Variants in PTPRD observed in about 807,000 individuals in gnomAD.
The protein encoded by PTPRD is protein tyrosine phosphatase receptor type D.
Under a neutral mutation model 214.5 loss-of-function variants are expected in PTPRD, and 34 were observed. The ratio of observed to expected loss-of-function variants is 0.16; its 90% CI spans 0.12 to 0.21. The LOEUF (loss-of-function observed/expected upper bound fraction) is 0.21, where lower values mean the gene tolerates loss of function less well. Among genes scored for constraint, PTPRD ranks in the 10% least tolerant of loss-of-function variants. PTPRD has a pLI of 1.00. For synonymous variants in PTPRD, 1,128 were observed against 845.7 expected (o/e 1.33, Z -5.79); for missense variants, 2,545 against 2,398.7 (o/e 1.06, Z -1.27).
At chr9:9,457,481 C>A (rs2145688003) in intron 8 of PTPRD, among the ~76,000 whole-genome samples, 1 of 151,982 alleles carries the variant, frequency 6.6e-6, no homozygotes, top group Admixed American at 6.6e-5. Flanking sequence ...GGTTAAAGAA[C>A]ATAAAATTAA....
chr9:9,723,520 T>C (rs2098009509), intron 7 of PTPRD, among the ~76,000 whole-genome samples: 1 of 152,088 alleles, frequency 6.6e-6, no homozygotes, highest in South Asian at 2.1e-4. Flanking sequence ...TCCTTGACAA[T>C]GCCATGTGAA....
In PTPRD at chr9:8,831,062, T is replaced by A. The variant is rs148632300; in HGVS notation, c.-103-97116A>T. ...TAGGCACTTAGAAAATCTGTGGACT[T>A]AGAAGGGACATTTGGCATCACTGAA... On this transcript the variant is annotated intron_variant, in intron 11 of 45. Transcript: ENST00000381196. Among the ~76,000 whole-genome samples the A allele has an allele frequency of 2.0e-5, 3 of 152,242 alleles. No homozygotes were observed. The East Asian group carries it at 5.8e-4, about 29-fold the overall frequency.
intron 5 of PTPRD, among the ~76,000 whole-genome samples, chr9:9,920,073 A>C (rs2153866394): frequency 6.6e-6 from 1 of 152,240 alleles, no homozygotes; most frequent in East Asian, 1.9e-4. Flanking sequence ...AGCAATTTTC[A>C]AATTTCTTAG....
chr9:8,344,154 T>A (rs904797684), intron 39 of PTPRD, among the ~76,000 whole-genome samples: 2 of 152,102 alleles, frequency 1.3e-5, no homozygotes, highest in Non-Finnish European at 2.9e-5. Flanking sequence ...ACATCTTTCG[T>A]TCTTTCTGTG....
intron 9 of PTPRD, among the ~76,000 whole-genome samples, chr9:9,293,843 T>G (rs1474618703): frequency 6.6e-6 from 1 of 151,686 alleles, no homozygotes; most frequent in East Asian, 2.0e-4. Flanking sequence ...AAATTAACAC[T>G]AATTTCCTTT....
chr9:9,615,194 G>C (rs565451267), intron 7 of PTPRD, among the ~76,000 whole-genome samples: 101 of 152,268 alleles, frequency 6.6e-4, no homozygotes, highest in Non-Finnish European at 1.2e-3. Context: ...TAGCTGGCCT[G>C]CACTCAACCA....
chr9:9,508,341 G>A (rs972289817), intron 8 of PTPRD, among the ~76,000 whole-genome samples: 32 of 151,304 alleles, frequency 2.1e-4, no homozygotes, highest in African/African-American at 7.3e-4. Flanking sequence ...TTCTTTCAAC[G>A]CGTTGTTTCT....
chr9:8,813,087 G>A (rs1372919893), intron 11 of PTPRD, among the ~76,000 whole-genome samples: 3 of 152,172 alleles, frequency 2.0e-5, no homozygotes, highest in South Asian at 2.1e-4. Context: ...CTGGCAGGGC[G>A]CTATCGGTGG....
At chr9:10,188,422 T>C (rs1311507521) in intron 3 of PTPRD, among the ~76,000 whole-genome samples, 5 of 152,170 alleles carry the variant, frequency 3.3e-5, no homozygotes, top group African/African-American at 1.2e-4. Flanking sequence ...ACTTGAATCC[T>C]TTATAGTTGT....
At chr9:10,574,209 G>GTT (rs1180844072) in intron 2 of PTPRD, among the ~76,000 whole-genome samples, 1 of 151,752 alleles carries the variant, frequency 6.6e-6, no homozygotes, top group Non-Finnish European at 1.5e-5. Context: ...GTGTGTGTGT[G>GTT]TGTGCGTGCA....
At chr9:9,697,578 T>A (rs971748154) in intron 7 of PTPRD, among the ~76,000 whole-genome samples, 1 of 152,104 alleles carries the variant, frequency 6.6e-6, no homozygotes, top group African/African-American at 2.4e-5. Flanking sequence ...TCTCATATGT[T>A]TTTTGCTTCT....
At chr9:9,781,219 G>T (rs1362623073) in intron 5 of PTPRD, among the ~76,000 whole-genome samples, 1 of 152,016 alleles carries the variant, frequency 6.6e-6, no homozygotes, top group Non-Finnish European at 1.5e-5. Flanking sequence ...GTTCATCAGG[G>T]GTAACAAATA....
intron 2 of PTPRD, among the ~76,000 whole-genome samples, chr9:10,541,744 T>C (rs1199953839): frequency 6.6e-6 from 1 of 152,020 alleles, no homozygotes; most frequent in South Asian, 2.1e-4. Flanking sequence ...TCTATGGAAA[T>C]TTAACTTCTA....
intron 5 of PTPRD, among the ~76,000 whole-genome samples, chr9:9,931,255 A>C (rs543515650): frequency 2.0e-4 from 30 of 152,320 alleles, no homozygotes; most frequent in Admixed American, 5.9e-4. Context: ...GCTCCGGTCT[A>C]CAGCTCCCAG....
chr9:8,845,303 G>T (rs1238347414), intron 11 of PTPRD, among the ~76,000 whole-genome samples: 3 of 152,128 alleles, frequency 2.0e-5, no homozygotes, highest in Non-Finnish European at 4.4e-5. Flanking sequence ...TGATGGCAAA[G>T]CTTTCCTTCA....
At chr9:9,266,378 A>G (rs1939676033) in intron 9 of PTPRD, among the ~76,000 whole-genome samples, 1 of 151,448 alleles carries the variant, frequency 6.6e-6, no homozygotes, top group East Asian at 2.0e-4. Context: ...CTGGATTTTA[A>G]TTACATTTTA....
chr9:9,134,835 T>C (rs1013826997), intron 10 of PTPRD, among the ~76,000 whole-genome samples: 8 of 148,058 alleles, frequency 5.4e-5, no homozygotes, highest in African/African-American at 1.8e-4. Flanking sequence ...TTTCACTCTA[T>C]ATTCCCAGCC....
chr9:9,381,055 T>C (rs2062074149), intron 9 of PTPRD, among the ~76,000 whole-genome samples: 1 of 152,114 alleles, frequency 6.6e-6, no homozygotes, highest in Non-Finnish European at 1.5e-5. Flanking sequence ...CACTCATTTA[T>C]TTTTAATCGA....
chr9:9,581,440 A>T (rs576732955), intron 7 of PTPRD, among the ~76,000 whole-genome samples: 7 of 152,158 alleles, frequency 4.6e-5, no homozygotes, highest in Non-Finnish European at 8.8e-5. Context: ...AAAAAATAAC[A>T]ACTTTGAACT....
Sources: allele counts gnomAD v4.1 joint callset (sites outside exome capture counted in the v4.1 genomes callset), GRCh38; gene constraint gnomAD v4.1.1; transcripts MANE v1.5; gene names NCBI Gene and HGNC (gene_info 2026-07-23, HGNC 2026-07-21).